RBAK: variants seen among roughly 807,000 people sequenced by gnomAD.
The protein encoded by RBAK is RB associated KRAB zinc finger.
A neutral mutation model predicts 65.8 loss-of-function variants in RBAK; 39 were observed. The ratio of observed to expected loss-of-function variants is 0.59; its 90% CI spans 0.46 to 0.77. The LOEUF is 0.77. Among genes scored for constraint, RBAK ranks in the 30% least tolerant of loss-of-function variants. The pLI is 0.00. For synonymous variants in RBAK, 343 were observed against 289.7 expected, an observed-to-expected ratio of 1.18 and a Z score of -1.87; for missense variants, 884 against 855.1, an observed-to-expected ratio of 1.03 and a Z score of -0.42.
rs535079682 is a variant in RBAK, at chr7:5,064,851, C to A, written c.1395C>A (p.Thr465=). ...ATGAATGTAATGAATGTGGCAAAAC[C>A]TTCAATTTAAATTCAGCCTTCATTA... ...KPYECNECGK[T]FNLNSAFIRH... is the part of the protein sequence containing the mutation. The change falls in exon 5 of 5, where the codon ACC becomes ACA. Residue 465 remains threonine (T), a synonymous_variant. Transcript: ENST00000396912. The surrounding 1 kb of genome is among the most constrained non-coding windows in gnomAD (Gnocchi z 6.3). 7.4e-6 allele frequency: 12 copies of A among 1,613,896 alleles called. No individual in the cohort carries two copies. The highest frequency in any genetic ancestry group is 2.7e-5 in the African/African-American group (2 of 74,978).
At chr7:5,049,025 G>A (rs1411002877) in intron 2 of RBAK, among the ~76,000 whole-genome samples, 6 of 152,124 alleles carry the variant, frequency 3.9e-5, no homozygotes, top group East Asian at 3.8e-4. Context: ...TTTGGTTGGC[G>A]ACACAAAGCG....
intron 1 of RBAK, 29 bp downstream of exon 1, chr7:5,046,425 G>C (rs1313193588): frequency 9.8e-6 from 5 of 510,970 alleles, no homozygotes; most frequent in Non-Finnish European, 1.9e-5. Context: ...GGCCCGGAGC[G>C]AGAAGGGCCT....
At chr7:5,063,652 G>A in intron 4 of RBAK, 43 bp from the exon 5 acceptor site, 1 of 1,450,886 alleles carries the variant, frequency 6.9e-7, no homozygotes, top group Non-Finnish European at 9.2e-7. Flanking sequence ...CATAGCTAGT[G>A]TGTTCAGATT....
intron 2 of RBAK, among the ~76,000 whole-genome samples, chr7:5,050,634 T>C (rs185069805): frequency 1.6e-4 from 24 of 152,292 alleles, no homozygotes; most frequent in African/African-American, 5.3e-4. Context: ...ACCCAGGCTG[T>C]CGTGTTTACG....
At chr7:5,049,096 A>G (rs1788058673) in intron 2 of RBAK, among the ~76,000 whole-genome samples, 1 of 152,230 alleles carries the variant, frequency 6.6e-6, no homozygotes, top group South Asian at 2.1e-4. Flanking sequence ...CAACTTTGTT[A>G]CTTGTGGATT....
At position 5,066,231 on chromosome 7, in the gene RBAK, A is replaced by G. The variant is rs894243346; in HGVS notation, c.*630A>G. 2 of 152,622 alleles carry G rather than the reference A, an allele frequency of 1.3e-5. No individual in the cohort carries two copies. Among genetic ancestry groups the G allele is most frequent in the African/African-American group, 4.8e-5 (2 of 41,456 alleles). 9.5% of individuals were successfully genotyped at this position (152,622 alleles called of 1,614,324 possible). ...ATGGCAAAATGTATTAAGACAGGAC[A>G]TATTGTTGGTGAGATAATATTTAAT... On this transcript the variant is annotated 3_prime_UTR_variant, in exon 5 of 5. Coordinates refer to ENST00000396912, the MANE Select transcript of RBAK (RefSeq NM_021163.4).
chr7:5,062,897 A>G (rs887766201), intron 4 of RBAK, among the ~76,000 whole-genome samples: 1 of 152,228 alleles, frequency 6.6e-6, no homozygotes, highest in Non-Finnish European at 1.5e-5. Context: ...GTTTAAGGTT[A>G]TCTCTCTTGT....
Position 5,045,868 on chromosome 7 carries a change from C to T in RBAK, c.-573C>T, listed in dbSNP as rs1787962622. On this transcript the variant is annotated 5_prime_UTR_variant, in exon 1 of 5. Coordinates refer to ENST00000396912, the MANE Select transcript of RBAK (RefSeq NM_021163.4). Reference sequence around the variant, plus strand: ...ATGCGCGCCGCCGCTGCACTGCCCTCGCTTCCTGTGCGTCCTCAGGTCACC... The same window carrying T: ...ATGCGCGCCGCCGCTGCACTGCCCTTGCTTCCTGTGCGTCCTCAGGTCACC... 5.9e-6 allele frequency: 2 copies of T among 338,452 alleles called. No individual in the cohort carries two copies. Among genetic ancestry groups the T allele is most frequent in the African/African-American group, 2.3e-5 (1 of 43,170 alleles). 21.0% of individuals were successfully genotyped at this position (338,452 alleles called of 1,614,324 possible). A position where few individuals can be genotyped will look rare whatever the true frequency, so the allele number is the denominator to read the frequency against.
chr7:5,060,498 G>A (rs1478538034), intron 4 of RBAK, among the ~76,000 whole-genome samples: 1 of 152,222 alleles, frequency 6.6e-6, no homozygotes, highest in Non-Finnish European at 1.5e-5. Context: ...ATACTCCAAT[G>A]CACATTGTGC....
chr7:5,053,848 G>A (rs942712147), intron 2 of RBAK, among the ~76,000 whole-genome samples: 6 of 152,180 alleles, frequency 3.9e-5, no homozygotes, highest in African/African-American at 1.2e-4. Context: ...ATGTGGAATA[G>A]AATGATGAAC....
intron 2 of RBAK, among the ~76,000 whole-genome samples, chr7:5,055,747 C>A (rs1179052912): frequency 1.3e-5 from 2 of 151,088 alleles, no homozygotes; most frequent in Non-Finnish European, 2.9e-5. Context: ...CTACTACCTC[C>A]TTGCCTTCTG....
Position 5,064,230 on chromosome 7 carries a change from G to A in RBAK, c.774G>A (p.Met258Ile). 2 of 1,614,054 alleles carry A rather than the reference G, an allele frequency of 1.2e-6. No individual in the cohort carries two copies. ...CATATCAGAGATCACAAATGGAAAT[G>A]AAGCCCTTTGAATGCAGTGAATGTG... is the stretch of plus-strand genomic sequence containing the variant. ...FNAYQRSQME[M>I]KPFECSECGK... The change falls in exon 5 of 5, where the codon ATG becomes ATA. Residue 258 changes from methionine (M) to isoleucine (I), a missense_variant. By Grantham distance (10) the Met-to-Ile change is conservative. Coordinates refer to ENST00000396912, the MANE Select transcript of RBAK (RefSeq NM_021163.4). This position sits in a 1 kb window ranked among gnomAD's most constrained non-coding sequence, Gnocchi z 6.3.
At chr7:5,054,373 C>G (rs1583455388) in intron 2 of RBAK, among the ~76,000 whole-genome samples, 1 of 150,498 alleles carries the variant, frequency 6.6e-6, no homozygotes, top group Non-Finnish European at 1.5e-5. Flanking sequence ...CCATTGCACT[C>G]CAGCCTAGAA....
At chr7:5,053,423 C>G (rs7798891) in intron 2 of RBAK, among the ~76,000 whole-genome samples, 16,156 of 151,884 alleles carry the variant, frequency 0.11, 961 homozygotes, top group African/African-American at 0.15. Context: ...CTTTTTATCA[C>G]TAGTTTTGGG....
At chr7:5,061,595 C>A (rs921302350) in intron 4 of RBAK, among the ~76,000 whole-genome samples, 2 of 150,348 alleles carry the variant, frequency 1.3e-5, no homozygotes, top group Non-Finnish European at 1.5e-5. Flanking sequence ...CCGGCATGAT[C>A]TTGTTTTTAA....
chr7:5,068,626 C>T lies in RBAK; in HGVS notation c.*3025C>T, dbSNP rs1426382963. 1 of 152,200 alleles carries T rather than the reference C, an allele frequency of 6.6e-6. No individual in the cohort carries two copies. Among genetic ancestry groups the T allele is most frequent in the African/African-American group, 2.4e-5 (1 of 41,448 alleles). 9.4% of individuals were successfully genotyped at this position (152,200 alleles called of 1,614,324 possible). A position where few individuals can be genotyped will look rare whatever the true frequency, so the allele number is the denominator to read the frequency against. On this transcript the variant is annotated 3_prime_UTR_variant, in exon 5 of 5. Transcript: ENST00000396912. ...ACTGTACACTACTGGTGGAATTGCT[C>T]ATCGATAAAACCATTTTGAAAGCTG...
At chr7:5,051,066 A>G (rs935143720) in intron 2 of RBAK, among the ~76,000 whole-genome samples, 1 of 152,152 alleles carries the variant, frequency 6.6e-6, no homozygotes, top group African/African-American at 2.4e-5. Flanking sequence ...TGAAAATTAA[A>G]TGGCTCCATC....
At chr7:5,046,491 G>A (rs1449163408) in intron 1 of RBAK, 95 bp downstream of exon 1, 3 of 407,410 alleles carry the variant, frequency 7.4e-6, no homozygotes, top group African/African-American at 4.2e-5. Flanking sequence ...GGAGGGTCTC[G>A]ATCGCTTGCA....
chr7:5,064,795 C>T lies in RBAK; in HGVS notation c.1339C>T (p.His447Tyr), dbSNP rs941049273. 17 of 1,613,920 alleles carry T rather than the reference C, an allele frequency of 1.1e-5. No homozygotes were observed. The highest frequency in any genetic ancestry group is 1.2e-5 in the Non-Finnish European group (14 of 1,179,922). The change falls in exon 5 of 5, where the codon CAT becomes TAT. Residue 447 changes from histidine to tyrosine, a missense_variant. Physicochemically the swap from His to Tyr is moderately conservative, Grantham distance 83 (BLOSUM62 2). Transcript: ENST00000396912. This position sits in a 1 kb window ranked among gnomAD's most constrained non-coding sequence, Gnocchi z 6.3. ...TTCTCGGGTGTCATACCTCACTATACATTATAGAAGTCATTTAGAAGAGAA... is the reference window on the plus strand; with the variant it reads ...TTCTCGGGTGTCATACCTCACTATATATTATAGAAGTCATTTAGAAGAGAA... ...FFSRVSYLTI[H>Y]YRSHLEEKPY...
Sources: allele counts gnomAD v4.1 joint callset (sites outside exome capture counted in the v4.1 genomes callset), GRCh38; gene constraint gnomAD v4.1.1; non-coding constraint Gnocchi (gnomAD v3.1); transcripts MANE v1.5; gene names NCBI Gene and HGNC (gene_info 2026-07-23, HGNC 2026-07-21).